NRXN3: variants seen among roughly 807,000 people sequenced by gnomAD.
NRXN3 encodes the protein neurexin III.
A neutral mutation model predicts 137.6 loss-of-function variants in NRXN3; 32 were observed. That is an observed-to-expected ratio of 0.23 (90% CI 0.18 to 0.31). The LOEUF is 0.31. Among genes scored for constraint, NRXN3 ranks in the 10% least tolerant of loss-of-function variants. The pLI is 1.00. For missense variants in NRXN3, 1,574 were observed against 2,062.5 expected (o/e 0.76, Z 4.59); for synonymous variants, 798 against 784.5 (o/e 1.02, Z -0.29).
Position 79,704,092 on chromosome 14 carries a change from G to C in NRXN3, c.4014+6155G>C, listed in dbSNP as rs148983499. ...CAATCAGGAGAGATTGCTACGGCAG[G>C]CTCTTTCATATTCTGGAGTGGGAAT... is the stretch of plus-strand genomic sequence containing the variant. On this transcript the variant is annotated intron_variant, in intron 19 of 20. Coordinates refer to ENST00000335750, the MANE Select transcript of NRXN3 (RefSeq NM_001330195.2). Among the ~76,000 whole-genome samples, 378 of 152,256 alleles carry C rather than the reference G, an allele frequency of 2.5e-3. 1 individual carries two copies. Among genetic ancestry groups the C allele is most frequent in the African/African-American group, 8.6e-3 (357 of 41,554 alleles).
chr14:78,313,583 A>G (rs913236827), intron 4 of NRXN3, among the ~76,000 whole-genome samples: 47 of 152,252 alleles, frequency 3.1e-4, no homozygotes, highest in Admixed American at 2.8e-3. Flanking sequence ...ACAGAGGCCC[A>G]AGGTTACAAA....
intron 15 of NRXN3, among the ~76,000 whole-genome samples, chr14:79,304,578 AT>A (rs1403605094): frequency 6.6e-6 from 1 of 152,082 alleles, no homozygotes; most frequent in African/African-American, 2.4e-5. Context: ...TACAAATAAA[AT>A]ATTTGATTGA....
intron 15 of NRXN3, among the ~76,000 whole-genome samples, chr14:79,207,749 G>A (rs183908931): frequency 6.6e-6 from 1 of 152,130 alleles, no homozygotes; most frequent in African/African-American, 2.4e-5. Flanking sequence ...TAGGCATAAG[G>A]GTTGTTCTTG....
At chr14:79,789,722 C>T (rs1386771791) in intron 19 of NRXN3, among the ~76,000 whole-genome samples, 1 of 152,176 alleles carries the variant, frequency 6.6e-6, no homozygotes, top group African/African-American at 2.4e-5. Flanking sequence ...TCATCGCCAT[C>T]TTGGTTTTGA....
At chr14:79,380,691 ATAATCCT>A (rs1285099312) in intron 15 of NRXN3, among the ~76,000 whole-genome samples, 1 of 152,166 alleles carries the variant, frequency 6.6e-6, no homozygotes, top group East Asian at 1.9e-4. Context: ...AGTATGATTT[ATAATCCT>A]TTGGGTATAT....
chr14:79,092,051 A>G (rs2049300058), intron 15 of NRXN3, among the ~76,000 whole-genome samples: 1 of 152,142 alleles, frequency 6.6e-6, no homozygotes. Context: ...CTGTTCGTCT[A>G]TTGTTTTCTA....
chr14:79,028,273 T>C (rs1314035084), intron 15 of NRXN3, among the ~76,000 whole-genome samples: 2 of 152,260 alleles, frequency 1.3e-5, no homozygotes, highest in East Asian at 3.9e-4. Flanking sequence ...ACTCAAGAGC[T>C]AACATAAGGT....
At chr14:79,695,999 A>G (rs1224814497) in intron 18 of NRXN3, among the ~76,000 whole-genome samples, 1 of 151,974 alleles carries the variant, frequency 6.6e-6, no homozygotes, top group Non-Finnish European at 1.5e-5. Flanking sequence ...CCAAAGGGCT[A>G]TTATTTGTAA....
At chr14:79,059,389 C>T (rs985523479) in intron 15 of NRXN3, among the ~76,000 whole-genome samples, 7 of 151,526 alleles carry the variant, frequency 4.6e-5, no homozygotes, top group Non-Finnish European at 1.0e-4. Context: ...TCCCAAGTAG[C>T]TGAGACTACA....
At chr14:79,785,906 G>C (rs1443913624) in intron 19 of NRXN3, among the ~76,000 whole-genome samples, 1 of 151,696 alleles carries the variant, frequency 6.6e-6, no homozygotes, top group East Asian at 1.9e-4. Context: ...GAAACACTTT[G>C]ATACTAGATG....
intron 16 of NRXN3, among the ~76,000 whole-genome samples, chr14:79,617,933 C>A (rs74781079): frequency 6.2e-3 from 503 of 80,770 alleles, no homozygotes; most frequent in African/African-American, 0.022. Flanking sequence ...AAAAAAAAAA[C>A]ATGCTTATGA....
At chr14:79,000,456 G>A (rs2099539160) in intron 15 of NRXN3, among the ~76,000 whole-genome samples, 1 of 152,134 alleles carries the variant, frequency 6.6e-6, no homozygotes, top group Non-Finnish European at 1.5e-5. Context: ...CACAGATCAG[G>A]TATCTGTCTG....
chr14:79,453,399 A>G (rs1232185045), intron 15 of NRXN3, among the ~76,000 whole-genome samples: 2 of 152,276 alleles, frequency 1.3e-5, no homozygotes, highest in Non-Finnish European at 2.9e-5. Context: ...AGCCAAGATC[A>G]TGTAAGCATT....
At chr14:78,897,272 G>C (rs539794164) in intron 10 of NRXN3, among the ~76,000 whole-genome samples, 4 of 152,008 alleles carry the variant, frequency 2.6e-5, no homozygotes, top group Admixed American at 1.3e-4. Context: ...GCAGCATCTT[G>C]CATGTCACAA....
chr14:78,401,440 C>A (rs971632858), intron 4 of NRXN3, among the ~76,000 whole-genome samples: 5 of 152,150 alleles, frequency 3.3e-5, no homozygotes, highest in Admixed American at 2.0e-4. Flanking sequence ...GCTGGGATTA[C>A]AGGCGTGAGC....
At chr14:78,915,262 T>A (rs1174177264) in intron 10 of NRXN3, among the ~76,000 whole-genome samples, 2 of 145,862 alleles carry the variant, frequency 1.4e-5, no homozygotes, top group Non-Finnish European at 3.0e-5. Flanking sequence ...ACTGTGTGGT[T>A]TATAAAACAC....
chr14:78,180,689 A>G (rs2059732607), intron 1 of NRXN3, among the ~76,000 whole-genome samples: 1 of 152,196 alleles, frequency 6.6e-6, no homozygotes, highest in South Asian at 2.1e-4. Flanking sequence ...ACTTTTAGGA[A>G]ATAAAGATGT....
intron 6 of NRXN3, among the ~76,000 whole-genome samples, chr14:78,671,619 CT>C (rs999109862): frequency 1.3e-4 from 20 of 152,078 alleles, no homozygotes; most frequent in African/African-American, 3.9e-4. Context: ...ATTTCATAGG[CT>C]TTTTTTCAGT....
chr14:78,810,342 C>A lies in NRXN3; in HGVS notation c.2273C>A (p.Ser758Tyr). Residue 758 changes from serine to tyrosine, a missense_variant and splice_region_variant, in exon 10 of 21, where the codon TCC (serine) becomes TAC (tyrosine). This residue lies in a region of NRXN3 where 718 missense variants were observed against 887.6 expected (regional missense o/e 0.81). Coordinates refer to ENST00000335750, the MANE Select transcript of NRXN3 (RefSeq NM_001330195.2). Reference sequence around the variant, plus strand: ...GACTGTATCAGGATAAACTGTAACTCCAGTAAGTTTTCCCTCAAGTTTCAT... The same window carrying A: ...GACTGTATCAGGATAAACTGTAACTACAGTAAGTTTTCCCTCAAGTTTCAT... ...NLDCIRINCN[S>Y]SKGPETLYAG... The A allele has an allele frequency of 2.7e-6, 4 of 1,468,600 alleles. No homozygotes were observed. Among genetic ancestry groups the A allele is most frequent in the South Asian group, 1.4e-5 (1 of 73,668 alleles). 91.0% of individuals were successfully genotyped at this position (1,468,600 alleles called of 1,614,324 possible).
Sources: gnomAD v4.1 joint callset for allele counts (sites outside exome capture counted in the v4.1 genomes callset) on GRCh38, gnomAD v4.1.1 for gene constraint, gnomAD v4.1.1 regional missense constraint, MANE v1.5 for transcripts, NCBI Gene and HGNC (gene_info 2026-07-23, HGNC 2026-07-21) for gene names.